PCNX2: variants seen among roughly 807,000 people sequenced by gnomAD.
PCNX2 encodes the protein pecanex 2, also known as pecanex-like protein 2.
Under a neutral mutation model 223.8 loss-of-function variants are expected in PCNX2, and 168 were observed. The ratio of observed to expected loss-of-function variants is 0.75; its 90% CI spans 0.66 to 0.85. The LOEUF is 0.85. Ranked by LOEUF, PCNX2 falls within the 40% of genes least tolerant of loss-of-function variation. PCNX2 has a pLI of 0.00. For missense variants in PCNX2, 2,507 were observed against 2,675.5 expected (o/e 0.94, Z 1.39); for synonymous variants, 1,006 against 1,052.6 (o/e 0.96, Z 0.86).
intron 15 of PCNX2, 23 bp from the exon 16 acceptor site, chr1:233,179,198 C>A (rs1431888576): frequency 6.2e-7 from 1 of 1,609,072 alleles, no homozygotes; most frequent in Non-Finnish European, 8.5e-7. Context: ...CATCAGTTAG[C>A]CAAGTCACTC....
Position 232,984,353 on chromosome 1 carries a change from A to T in PCNX2, c.6365T>A (p.Met2122Lys). ...CTGCGAGGCCGTGTCGTCCAGGCCCATGTCCTCCTGGCTTGCTCTCCTGCA... is the reference window on the plus strand; with the variant it reads ...CTGCGAGGCCGTGTCGTCCAGGCCCTTGTCCTCCTGGCTTGCTCTCCTGCA... ...VVCRRASQED[M>K]GLDDTASQQS... The change falls in exon 34 of 34, where the codon ATG becomes AAG. Residue 2122 changes from methionine (M) to lysine (K), a missense_variant. Physicochemically the swap from Met to Lys is moderately conservative, Grantham distance 95. Transcript: ENST00000258229. 3.1e-6 allele frequency: 5 copies of T among 1,613,268 alleles called. No individual in the cohort carries two copies. Among genetic ancestry groups the T allele is most frequent in the Non-Finnish European group, 4.2e-6 (5 of 1,179,718 alleles).
chr1:233,316,160 G>C, the PCNX2 span, among the ~76,000 whole-genome samples: 1 of 152,124 alleles, frequency 6.6e-6, no homozygotes, highest in African/African-American at 2.4e-5. Context: ...CTTTAAGCAT[G>C]AACAGGCAGG....
chr1:233,213,387 C>G (rs896790639), intron 12 of PCNX2, among the ~76,000 whole-genome samples: 1 of 152,126 alleles, frequency 6.6e-6, no homozygotes, highest in African/African-American at 2.4e-5. Context: ...ACAAGGAAAT[C>G]TGAATAAAAT....
chr1:232,990,455 G>A lies in PCNX2; in HGVS notation c.5792-3915C>T, dbSNP rs1040163033. On this transcript the variant is annotated intron_variant, in intron 32 of 33. Transcript: ENST00000258229. The surrounding 1 kb of genome is among the most constrained non-coding windows in gnomAD (Gnocchi z 4.3). ...AAGGTCATGATGGTACATTTCAGGA[G>A]AGCCAACAAGATCGGCAGCTCTTGG... Among the ~76,000 whole-genome samples the A allele has an allele frequency of 6.6e-6, 1 of 152,198 alleles. No homozygotes were observed. The highest frequency in any genetic ancestry group is 1.5e-5 in the Non-Finnish European group (1 of 68,034).
At chr1:233,099,711 AC>A (rs1251097690) in intron 21 of PCNX2, among the ~76,000 whole-genome samples, 1 of 152,226 alleles carries the variant, frequency 6.6e-6, no homozygotes, top group Non-Finnish European at 1.5e-5. Flanking sequence ...ATTTCTAAGC[AC>A]AAAAGAAAAC....
At chr1:233,325,563 C>G in the PCNX2 span, among the ~76,000 whole-genome samples, 1 of 151,428 alleles carries the variant, frequency 6.6e-6, no homozygotes, top group Admixed American at 6.6e-5. Flanking sequence ...GTAGTCCCAG[C>G]TACTCGGGAG....
intron 32 of PCNX2, among the ~76,000 whole-genome samples, chr1:232,992,285 C>A (rs1425300358): frequency 6.6e-6 from 1 of 152,194 alleles, no homozygotes; most frequent in Non-Finnish European, 1.5e-5. Context: ...CCTGTCCCTC[C>A]CTGACCACAG....
At chr1:233,282,592 G>A (rs762461690) in intron 1 of PCNX2, among the ~76,000 whole-genome samples, 3 of 151,938 alleles carry the variant, frequency 2.0e-5, no homozygotes, top group African/African-American at 7.2e-5. Context: ...CCATCCTTAC[G>A]CCTCTACCCT....
chr1:233,258,170 C>T lies in PCNX2; in HGVS notation c.1692G>A (p.Glu564=). The change falls in exon 5 of 34, where the codon GAG becomes GAA. Residue 564 remains glutamate, a synonymous_variant. Transcript: ENST00000258229. ...KTMPTSKSDL[E]AKEGQMPNES... ...CATTTGGCATTTGTCCTTCCTTAGC[C>T]TCTAGGTCAGATTTGGAAGTTGGCA... 1.2e-6 allele frequency: 2 copies of T among 1,613,960 alleles called. No homozygotes were observed. The highest frequency in any genetic ancestry group is 1.7e-6 in the Non-Finnish European group (2 of 1,179,870).
At chr1:233,323,936 G>C in the PCNX2 span, among the ~76,000 whole-genome samples, 3 of 152,326 alleles carry the variant, frequency 2.0e-5, no homozygotes, top group African/African-American at 7.2e-5. Context: ...TCTTGCACCA[G>C]TTGCCCAAGT....
rs148084496 is a variant in PCNX2 at position 233,295,284 on chromosome 1, T to C, written c.153+42A>G. 2 of 1,561,620 alleles carry C rather than the reference T, an allele frequency of 1.3e-6. No individual in the cohort carries two copies. Among genetic ancestry groups the C allele is most frequent in the Admixed American group, 3.8e-5 (2 of 52,506 alleles). On this transcript the variant is annotated intron_variant, in intron 1 of 33. Transcript: ENST00000258229. The surrounding 1 kb of genome is among the most constrained non-coding windows in gnomAD (Gnocchi z 4.1). The stretch of plus-strand genomic sequence containing the variant: ...CTGTGGTTCCTTTCTCCTTCTTCCC[T>C]CCATACCCACAGCTCCCCGGGACCG...
At chr1:233,234,140 C>T (rs913994223) in intron 9 of PCNX2, among the ~76,000 whole-genome samples, 6 of 152,220 alleles carry the variant, frequency 3.9e-5, no homozygotes, top group Non-Finnish European at 8.8e-5. Flanking sequence ...CATTGTATAC[C>T]CAGCTTCTAG....
chr1:233,258,956 C>G lies in PCNX2; in HGVS notation c.906G>C (p.Lys302Asn). 6.2e-7 allele frequency: 1 copy of G among 1,613,920 alleles called. No individual in the cohort carries two copies. Among genetic ancestry groups the G allele is most frequent in the Non-Finnish European group, 8.5e-7 (1 of 1,179,870 alleles). The change falls in exon 5 of 34, where the codon AAG becomes AAC. Residue 302 changes from lysine to asparagine, a missense_variant. Lys to Asn is a moderately conservative substitution (Grantham distance 94, BLOSUM62 0). This residue lies in a region of PCNX2 where 1,031 missense variants were observed against 1,021.7 expected (regional missense o/e 1.01). Transcript: ENST00000258229. Reference protein sequence around the residue: ...RGSIRERVQSKSPQDSLSSSC... With the variant: ...RGSIRERVQSNSPQDSLSSSC... ...TGCTGCTCAGGCTGTCCTGAGGTGA[C>G]TTGCTTTGTACCCGTTCCCTTATGG...
chr1:233,090,069 T>C lies in PCNX2; in HGVS notation c.4068A>G (p.Lys1356=), dbSNP rs1572093281. The change falls in exon 23 of 34, where the codon AAA becomes AAG. Residue 1356 remains lysine (K), a synonymous_variant. Transcript: ENST00000258229. The part of the protein sequence containing the change: ...SYVRPVKFWE[K]NYNTRRVDNS... ...TGATTTTAGGATCTTACTTGTAGTT[T>C]TTCTCCCAGAATTTCACTGGCCTGA... 1 of 1,613,828 alleles carries C rather than the reference T, an allele frequency of 6.2e-7. No individual in the cohort carries two copies. The highest frequency in any genetic ancestry group is 1.7e-5 in the Admixed American group (1 of 60,004).
intron 10 of PCNX2, among the ~76,000 whole-genome samples, chr1:233,222,182 G>C (rs545793706): frequency 5.3e-5 from 8 of 152,320 alleles, no homozygotes; most frequent in African/African-American, 1.7e-4. Flanking sequence ...CTGGAGGATT[G>C]CCTGGCATGC....
intron 32 of PCNX2, among the ~76,000 whole-genome samples, chr1:232,989,768 G>C (rs1669630105): frequency 6.6e-6 from 1 of 152,224 alleles, no homozygotes; most frequent in African/African-American, 2.4e-5. Context: ...AGAAAGTTCG[G>C]GGTGGGTACA....
At chr1:233,309,795 T>C in the PCNX2 span, among the ~76,000 whole-genome samples, 1 of 151,856 alleles carries the variant, frequency 6.6e-6, no homozygotes, top group Non-Finnish European at 1.5e-5. Context: ...TGAGAATTGC[T>C]TGGGTCTGGG....
At chr1:233,224,874 T>G (rs899272180) in intron 10 of PCNX2, among the ~76,000 whole-genome samples, 11 of 151,936 alleles carry the variant, frequency 7.2e-5, no homozygotes, top group African/African-American at 2.7e-4. Flanking sequence ...CCACATATTC[T>G]CACTCGTAAG....
At chr1:233,136,397 T>C (rs1676802604) in intron 20 of PCNX2, among the ~76,000 whole-genome samples, 1 of 152,184 alleles carries the variant, frequency 6.6e-6, no homozygotes, top group Non-Finnish European at 1.5e-5. Flanking sequence ...AAATTGTCAT[T>C]TTTGTCATAA....
Sources: allele counts gnomAD v4.1 joint callset (sites outside exome capture counted in the v4.1 genomes callset), GRCh38; gene constraint gnomAD v4.1.1; regional missense constraint gnomAD v4.1.1; non-coding constraint Gnocchi (gnomAD v3.1); transcripts MANE v1.5; gene names NCBI Gene and HGNC (gene_info 2026-07-23, HGNC 2026-07-21).